The following SPATA16 variants were observed in gnomAD, a reference collection of about 807,000 sequenced individuals.
SPATA16 encodes spermatogenesis-associated protein 16.
Under a neutral mutation model 63.3 loss-of-function variants are expected in SPATA16, and 36 were observed. That is an observed-to-expected ratio of 0.57 (90% CI 0.44 to 0.75). The LOEUF is 0.75. SPATA16 is among the 30% of genes least tolerant of loss of function. The probability of loss-of-function intolerance (pLI) is 0.00; values close to 1 mark genes in which losing one functional copy is unlikely to be tolerated. For missense variants in SPATA16, 646 were observed against 679.3 expected (o/e 0.95, Z 0.54); for synonymous variants, 203 against 216.7 (o/e 0.94, Z 0.56).
intron 2 of SPATA16, among the ~76,000 whole-genome samples, chr3:173,076,818 G>A (rs1736817098): frequency 6.6e-6 from 1 of 152,070 alleles, no homozygotes; most frequent in Non-Finnish European, 1.5e-5. Flanking sequence ...GTTAATGGAA[G>A]GATTATGTGG....
chr3:173,005,908 T>C (rs1734934274), intron 4 of SPATA16, among the ~76,000 whole-genome samples: 1 of 152,236 alleles, frequency 6.6e-6, no homozygotes. Context: ...ACTGGAACAT[T>C]AAAATTAGTG....
intron 3 of SPATA16, among the ~76,000 whole-genome samples, chr3:173,021,722 T>TTTTATTTATTTA (rs76258278): frequency 0.019 from 2,675 of 139,692 alleles, 41 homozygotes; most frequent in East Asian, 0.022. Context: ...CCCTATTACT[T>TTTTATTTATTTA]TTTATTTATT....
chr3:173,028,362 A>G (rs1460405760), intron 3 of SPATA16, among the ~76,000 whole-genome samples: 3 of 151,870 alleles, frequency 2.0e-5, no homozygotes, highest in South Asian at 2.1e-4. Context: ...ATTATAACCA[A>G]TTGAATAACT....
chr3:173,076,816 A>C (rs552737735), intron 2 of SPATA16, among the ~76,000 whole-genome samples: 18 of 152,208 alleles, frequency 1.2e-4, no homozygotes, highest in Admixed American at 3.9e-4. Flanking sequence ...AAGTTAATGG[A>C]AGGATTATGT....
intron 2 of SPATA16, among the ~76,000 whole-genome samples, chr3:173,109,639 GT>G (rs1737702932): frequency 6.6e-6 from 1 of 152,202 alleles, no homozygotes; most frequent in African/African-American, 2.4e-5. Context: ...ACTAAAATAT[GT>G]TGGATATCTT....
chr3:172,915,779 C>A (rs575729999), intron 9 of SPATA16, among the ~76,000 whole-genome samples: 2 of 152,218 alleles, frequency 1.3e-5, no homozygotes, highest in Non-Finnish European at 1.5e-5. Flanking sequence ...GCTAAAAAAA[C>A]CCCATCTATT....
At chr3:172,913,781 C>T (rs952624825) in intron 9 of SPATA16, 37 bp from the exon 10 acceptor site, 1 of 1,569,944 alleles carries the variant, frequency 6.4e-7, no homozygotes, top group Non-Finnish European at 8.8e-7. Flanking sequence ...GTGTGGAATT[C>T]ACACAGAAAT....
chr3:173,043,476 G>T (rs915526488), intron 3 of SPATA16, among the ~76,000 whole-genome samples: 2 of 151,786 alleles, frequency 1.3e-5, no homozygotes, highest in Admixed American at 6.6e-5. Context: ...ACATTGGCAT[G>T]TGTAATCTTA....
At chr3:172,952,083 G>T (rs1046170997) in intron 6 of SPATA16, among the ~76,000 whole-genome samples, 1 of 152,126 alleles carries the variant, frequency 6.6e-6, no homozygotes, top group African/African-American at 2.4e-5. Flanking sequence ...TCTGTGGGCG[G>T]GTACAAACAC....
intron 6 of SPATA16, among the ~76,000 whole-genome samples, chr3:172,929,595 C>G (rs1732822566): frequency 6.6e-6 from 1 of 152,088 alleles, no homozygotes; most frequent in South Asian, 2.1e-4. Context: ...ACACATTCCC[C>G]TTTCTCCTCC....
chr3:173,069,206 C>T (rs1036862759), intron 2 of SPATA16, among the ~76,000 whole-genome samples: 3 of 151,380 alleles, frequency 2.0e-5, no homozygotes, highest in African/African-American at 4.9e-5. Context: ...TGAAAAGTGG[C>T]TTCTTAAAAG....
In SPATA16 at chr3:173,077,765, A is replaced by C. The variant is rs148533609; in HGVS notation, c.613-28671T>G. On this transcript the variant is annotated intron_variant, in intron 2 of 10. Coordinates refer to ENST00000351008, the MANE Select transcript of SPATA16 (RefSeq NM_031955.6). ...AATGTTTTCCATTTCTGAAAGAAAG[A>C]GAAAGATTCACCCAGACATATAGGA... Among the ~76,000 whole-genome samples, 23 of 152,324 alleles carry C rather than the reference A, an allele frequency of 1.5e-4. No homozygotes were observed. The South Asian group carries it at 2.9e-3, about 19-fold the overall frequency.
At chr3:173,010,427 C>G (rs1160299131) in intron 4 of SPATA16, among the ~76,000 whole-genome samples, 1 of 139,548 alleles carries the variant, frequency 7.2e-6, no homozygotes. Flanking sequence ...CACTCTGGCA[C>G]GTTGTGGCGT....
chr3:172,895,687 A>G (rs1731994286), intron 10 of SPATA16, among the ~76,000 whole-genome samples: 1 of 152,208 alleles, frequency 6.6e-6, no homozygotes, highest in African/African-American at 2.4e-5. Context: ...TCTAAATGGA[A>G]TCATATAGTA....
intron 3 of SPATA16, among the ~76,000 whole-genome samples, chr3:173,028,902 GA>G (rs1735533247): frequency 6.6e-6 from 1 of 152,010 alleles, no homozygotes; most frequent in South Asian, 2.1e-4. Flanking sequence ...CATAGTGTGT[GA>G]AGAATATGGA....
chr3:172,987,475 C>T (rs1400774530), intron 4 of SPATA16, among the ~76,000 whole-genome samples: 2 of 152,204 alleles, frequency 1.3e-5, no homozygotes, highest in Non-Finnish European at 2.9e-5. Flanking sequence ...TCCCTACCAG[C>T]AGAGGGAACC....
At chr3:172,912,153 C>A (rs115938751) in intron 10 of SPATA16, among the ~76,000 whole-genome samples, 2,934 of 152,222 alleles carry the variant, frequency 0.019, 30 homozygotes, top group Middle Eastern at 0.058. Context: ...TTAGAAATAT[C>A]CCCTTTTACC....
chr3:173,050,533 T>C, intron 2 of SPATA16, among the ~76,000 whole-genome samples: 1 of 152,090 alleles, frequency 6.6e-6, no homozygotes, highest in South Asian at 2.1e-4. Context: ...TATTTTTAGC[T>C]CTATATAAAT....
chr3:173,117,004 A>G, intron 2 of SPATA16, 116 bp downstream of exon 2: 2 of 1,057,184 alleles, frequency 1.9e-6, no homozygotes, highest in East Asian at 2.4e-5. Flanking sequence ...ATATCATTAC[A>G]TATCCTCACC....
Sources: gnomAD v4.1 joint callset for allele counts (sites outside exome capture counted in the v4.1 genomes callset) on GRCh38, gnomAD v4.1.1 for gene constraint, MANE v1.5 for transcripts, NCBI Gene and HGNC (gene_info 2026-07-23, HGNC 2026-07-21) for gene names.